ACLY: variants seen among roughly 807,000 people sequenced by gnomAD.
ACLY encodes ATP-citrate synthase.
ACLY carries 41 observed loss-of-function variants against 133.0 expected under a neutral mutation model. That is an observed-to-expected ratio of 0.31 (90% CI 0.24 to 0.40). The LOEUF (loss-of-function observed/expected upper bound fraction) is 0.40. Ranked by LOEUF, ACLY falls within the 10% of genes least tolerant of loss-of-function variation. The pLI, the probability that ACLY is intolerant of heterozygous loss-of-function variation, is 1.00. For synonymous variants in ACLY, 495 were observed against 549.3 expected, an observed-to-expected ratio of 0.90 and a Z score of 1.38; for missense variants, 1,046 against 1,453.8, an observed-to-expected ratio of 0.72 and a Z score of 4.56.
intron 1 of ACLY, among the ~76,000 whole-genome samples, chr17:41,926,103 C>T (rs917600908): frequency 6.6e-5 from 10 of 152,014 alleles, no homozygotes; most frequent in South Asian, 2.1e-4. Flanking sequence ...CCTTGGCCTC[C>T]GAAAGTGCTG....
At chr17:41,896,705 G>A (rs1219421550) in intron 13 of ACLY, 56 bp from the exon 14 acceptor site, 2 of 1,491,328 alleles carry the variant, frequency 1.3e-6, no homozygotes, top group Non-Finnish European at 1.8e-6. Flanking sequence ...TGGAGGCTTT[G>A]GAGGGAGAGG....
intron 11 of ACLY, among the ~76,000 whole-genome samples, chr17:41,899,290 A>G (rs74999033): frequency 4.6e-5 from 7 of 151,908 alleles, no homozygotes; most frequent in African/African-American, 1.7e-4. Flanking sequence ...AAAAAAAAAA[A>G]CCACATAAGA....
chr17:41,898,874 A>G (rs2049446069), intron 11 of ACLY, 89 bp from the exon 12 acceptor site: 1 of 1,347,740 alleles, frequency 7.4e-7, no homozygotes, highest in African/African-American at 1.5e-5. Context: ...TTTTACAGCC[A>G]TGATCAGTGT....
At chr17:41,875,655 G>A (rs1375958100) in intron 22 of ACLY, among the ~76,000 whole-genome samples, 3 of 152,218 alleles carry the variant, frequency 2.0e-5, no homozygotes, top group Non-Finnish European at 4.4e-5. Flanking sequence ...TGTTGGCTGG[G>A]CTGGTCTCCA....
At chr17:41,873,697 C>T in intron 23 of ACLY, 114 bp downstream of exon 23, 1 of 1,249,780 alleles carries the variant, frequency 8.0e-7, no homozygotes, top group Non-Finnish European at 1.0e-6. Flanking sequence ...CCTGTGGCCC[C>T]AAAGATTGAT....
chr17:41,910,556 C>A (rs1419141929), intron 3 of ACLY, among the ~76,000 whole-genome samples: 1 of 152,172 alleles, frequency 6.6e-6, no homozygotes, highest in Non-Finnish European at 1.5e-5. Context: ...ACAGGACCTG[C>A]GCAAGTGAAA....
intron 17 of ACLY, 38 bp downstream of exon 17, chr17:41,887,561 G>A (rs782346563): frequency 6.4e-7 from 1 of 1,551,642 alleles, no homozygotes; most frequent in South Asian, 1.1e-5. Flanking sequence ...TCATAAGATA[G>A]CATCGAACGT....
At chr17:41,870,387 C>T (rs1313563116) in intron 25 of ACLY, 2 of 152,214 alleles carry the variant, frequency 1.3e-5, no homozygotes, top group Non-Finnish European at 2.9e-5. Flanking sequence ...GGTCCTTGCT[C>T]ATCAAGCAAC....
chr17:41,907,422 CCT>C lies in ACLY; in HGVS notation c.747+18_747+19del. On this transcript the variant is annotated intron_variant, in intron 7 of 28. Transcript: ENST00000352035. ...ACCGCCCTCCCCCCAGTCCCCATCTCCTCTCTAAACCAGCCTTACCTCTGGAT... is the reference window on the plus strand; with the variant it reads ...ACCGCCCTCCCCCCAGTCCCCATCTCCTCTAAACCAGCCTTACCTCTGGAT... 1 of 1,606,090 alleles carries C rather than the reference CCT, an allele frequency of 6.2e-7. No homozygotes were observed. The highest frequency in any genetic ancestry group is 8.5e-7 in the Non-Finnish European group (1 of 1,173,800).
chr17:41,907,396 C>T (rs781948199), intron 7 of ACLY, 46 bp downstream of exon 7: 8 of 1,582,168 alleles, frequency 5.1e-6, no homozygotes, highest in Admixed American at 1.7e-5. Flanking sequence ...GTCACCTCCC[C>T]ACCGCCCTCC....
At chr17:41,922,021 C>A (rs2050189468), upstream of ACLY, among the ~76,000 whole-genome samples, 1 of 152,032 alleles carries the variant, frequency 6.6e-6, no homozygotes, top group Admixed American at 6.6e-5. Flanking sequence ...CATGGCAAAA[C>A]CCATCTCTAC....
At chr17:41,869,681 T>C (rs2048551121) in intron 25 of ACLY, 94 bp from the exon 26 acceptor site, 1 of 1,058,554 alleles carries the variant, frequency 9.4e-7, no homozygotes, top group Non-Finnish European at 1.4e-6. Context: ...ACTGGACATA[T>C]CCCAGCGGCG....
chr17:41,913,637 A>G (rs2049966810), intron 2 of ACLY, 78 bp downstream of exon 2: 15 of 1,496,396 alleles, frequency 1.0e-5, no homozygotes, highest in Non-Finnish European at 1.4e-5. Context: ...CCCTATCGGC[A>G]TCACCAACAA....
At position 41,907,451 on chromosome 17, in the gene ACLY, T is replaced by C; in HGVS notation, c.738A>G (p.Ala246=). The C allele has an allele frequency of 6.2e-7, 1 of 1,613,282 alleles. No homozygotes were observed. The highest frequency in any genetic ancestry group is 8.5e-7 in the Non-Finnish European group (1 of 1,179,650). ...TCTAAACCAGCCTTACCTCTGGATA[T>C]GCCTCCCGCCCGAAGGGGGGAGGGA... ...IEFPPPFGRE[A]YPEEAYIADL... is the part of the protein sequence containing the mutation. Residue 246 remains alanine (A), a synonymous_variant, in exon 7 of 29, where the codon GCA becomes GCG. Coordinates refer to ENST00000352035, the MANE Select transcript of ACLY (RefSeq NM_001096.3).
At chr17:41,899,956 C>T (rs1239912114) in intron 11 of ACLY, among the ~76,000 whole-genome samples, 1 of 149,554 alleles carries the variant, frequency 6.7e-6, no homozygotes, top group Non-Finnish European at 1.5e-5. Context: ...GTAGTCCCAG[C>T]TACTCAGGAG....
upstream of ACLY, chr17:41,918,994 C>A (rs1387882208): frequency 6.2e-6 from 8 of 1,286,760 alleles, no homozygotes; most frequent in Admixed American, 1.6e-4. Context: ...CCGGCCCAGC[C>A]GGACTTTTCC....
intron 1 of ACLY, among the ~76,000 whole-genome samples, chr17:41,915,042 C>CAAACCCT (rs2050015679): frequency 2.0e-5 from 3 of 152,152 alleles, no homozygotes; most frequent in Admixed American, 1.3e-4. Context: ...GACTCGAACC[C>CAAACCCT]AAACCCTCTT....
At chr17:41,911,492 T>G (rs2049899669) in intron 3 of ACLY, among the ~76,000 whole-genome samples, 1 of 152,224 alleles carries the variant, frequency 6.6e-6, no homozygotes, top group Admixed American at 6.5e-5. Flanking sequence ...CTCATCTACG[T>G]GGTTGAAATT....
chr17:41,930,023 T>A (rs2050298080), intron 1 of ACLY, among the ~76,000 whole-genome samples: 1 of 152,168 alleles, frequency 6.6e-6, no homozygotes, highest in Non-Finnish European at 1.5e-5. Context: ...CCTAGTCCAC[T>A]TTTGGAGGAG....
Sources: allele counts gnomAD v4.1 joint callset (sites outside exome capture counted in the v4.1 genomes callset), GRCh38; gene constraint gnomAD v4.1.1; transcripts MANE v1.5; gene names NCBI Gene and HGNC (gene_info 2026-07-23, HGNC 2026-07-21).